The following NRBF2 variants were observed in gnomAD, a reference collection of about 807,000 sequenced individuals.
NRBF2 encodes nuclear receptor-binding factor 2.
In NRBF2, 12 loss-of-function variants were observed where a neutral mutation model predicts 28.5. The observed-to-expected ratio is 0.42, with a 90% CI of 0.27 to 0.68. The LOEUF (loss-of-function observed/expected upper bound fraction) is 0.68, where lower values mean the gene tolerates loss of function less well. Among genes scored for constraint, NRBF2 ranks in the 30% least tolerant of loss-of-function variants. The probability of loss-of-function intolerance (pLI) is 0.24; values close to 1 mark genes in which losing one functional copy is unlikely to be tolerated. For missense variants in NRBF2, 274 were observed against 333.5 expected (o/e 0.82, Z 1.39); for synonymous variants, 102 against 116.5 (o/e 0.88, Z 0.80).
At chr10:63,133,558 C>T in intron 1 of NRBF2, 58 bp downstream of exon 1, 1 of 1,333,190 alleles carries the variant, frequency 7.5e-7, no homozygotes, top group East Asian at 2.3e-5. Context: ...AGGAGCCCGG[C>T]CCCGTCCCCG....
At chr10:63,138,145 T>G (rs1338516346) in intron 1 of NRBF2, among the ~76,000 whole-genome samples, 1 of 151,780 alleles carries the variant, frequency 6.6e-6, no homozygotes, top group Non-Finnish European at 1.5e-5. Context: ...TGAAACCCTG[T>G]CTGTACTAAA....
chr10:63,144,791 G>C (rs1182586765), intron 1 of NRBF2, among the ~76,000 whole-genome samples: 1 of 152,120 alleles, frequency 6.6e-6, no homozygotes, highest in African/African-American at 2.4e-5. Flanking sequence ...TCTGTTGATG[G>C]ACATCTGGAT....
At chr10:63,144,128 G>A (rs1841521841) in intron 1 of NRBF2, among the ~76,000 whole-genome samples, 1 of 152,122 alleles carries the variant, frequency 6.6e-6, no homozygotes, top group South Asian at 2.1e-4. Context: ...TAAGTGTACA[G>A]TTTAGTAGTG....
At chr10:63,137,462 G>A (rs4746978) in intron 1 of NRBF2, among the ~76,000 whole-genome samples, 150,044 of 152,318 alleles carry the variant, frequency 0.99, 73,937 homozygotes, top group Middle Eastern at 1. Context: ...TTTATATGTG[G>A]CTGTTGCTCA....
intron 1 of NRBF2, among the ~76,000 whole-genome samples, chr10:63,134,387 T>C (rs1460544962): frequency 6.6e-6 from 1 of 152,176 alleles, no homozygotes; most frequent in Non-Finnish European, 1.5e-5. Flanking sequence ...AACTTTTGAG[T>C]CACAGGTTTG....
intron 2 of NRBF2, 32 bp from the exon 3 acceptor site, chr10:63,152,118 C>T (rs368425684): frequency 6.4e-7 from 1 of 1,554,546 alleles, no homozygotes; most frequent in East Asian, 2.2e-5. Context: ...AATGAAGACA[C>T]ATATTAACAT....
At chr10:63,151,609 T>C (rs188007679) in intron 2 of NRBF2, among the ~76,000 whole-genome samples, 1 of 152,340 alleles carries the variant, frequency 6.6e-6, no homozygotes, top group Admixed American at 6.5e-5. Context: ...GAGAAGTTTA[T>C]TGAAGGTCTT....
At chr10:63,150,609 T>C (rs1841633002) in intron 2 of NRBF2, among the ~76,000 whole-genome samples, 1 of 152,140 alleles carries the variant, frequency 6.6e-6, no homozygotes, top group Admixed American at 6.6e-5. Flanking sequence ...GGGACTGGTT[T>C]TGTGGAAGTC....
intron 3 of NRBF2, among the ~76,000 whole-genome samples, chr10:63,152,402 T>C (rs576231184): frequency 6.6e-6 from 1 of 152,354 alleles, no homozygotes; most frequent in East Asian, 1.9e-4. Flanking sequence ...CTTCTTTTTT[T>C]CTAGTGGTTA....
At chr10:63,135,232 C>T (rs1398683833) in intron 1 of NRBF2, among the ~76,000 whole-genome samples, 1 of 152,154 alleles carries the variant, frequency 6.6e-6, no homozygotes, top group African/African-American at 2.4e-5. Context: ...TTTAAGGCGA[C>T]ATATAGTTGG....
chr10:63,142,780 C>CTTTCTTTT (rs1554821458), intron 1 of NRBF2, among the ~76,000 whole-genome samples: 2 of 74,936 alleles, frequency 2.7e-5, no homozygotes, highest in African/African-American at 1.2e-4. Flanking sequence ...TTCTTTCTTT[C>CTTTCTTTT]TTTTTTTTTT....
chr10:63,147,804 A>G (rs1841588179), intron 2 of NRBF2, among the ~76,000 whole-genome samples: 1 of 127,036 alleles, frequency 7.9e-6, no homozygotes, highest in Non-Finnish European at 1.8e-5. Flanking sequence ...TTGCCACTCA[A>G]GTGTACTGGA....
At chr10:63,134,506 T>C (rs1379472287) in intron 1 of NRBF2, among the ~76,000 whole-genome samples, 1 of 152,198 alleles carries the variant, frequency 6.6e-6, no homozygotes, top group Non-Finnish European at 1.5e-5. Context: ...TTTAAGACTC[T>C]AGGTTTTGAA....
chr10:63,142,635 A>G (rs1341863889), intron 1 of NRBF2, among the ~76,000 whole-genome samples: 1 of 152,170 alleles, frequency 6.6e-6, no homozygotes, highest in Non-Finnish European at 1.5e-5. Flanking sequence ...CATCATGTAC[A>G]TTCTTTTCCC....
intron 1 of NRBF2, 27 bp downstream of exon 1, chr10:63,133,527 C>T (rs750737559): frequency 2.6e-6 from 4 of 1,555,064 alleles, no homozygotes; most frequent in African/African-American, 1.4e-5. Flanking sequence ...ATATAGCGTT[C>T]GTCTTGGGTG....
chr10:63,152,847 A>T (rs1252838021), intron 3 of NRBF2, among the ~76,000 whole-genome samples: 1 of 152,148 alleles, frequency 6.6e-6, no homozygotes, highest in Non-Finnish European at 1.5e-5. Context: ...AACTTAAAAA[A>T]TTAGCTGGGC....
chr10:63,141,615 A>G (rs1841469811), intron 1 of NRBF2, among the ~76,000 whole-genome samples: 1 of 152,196 alleles, frequency 6.6e-6, no homozygotes, highest in Non-Finnish European at 1.5e-5. Flanking sequence ...TGTTTCAACT[A>G]GTTTAATTTT....
At chr10:63,149,139 T>G (rs970996785) in intron 2 of NRBF2, among the ~76,000 whole-genome samples, 20 of 152,240 alleles carry the variant, frequency 1.3e-4, no homozygotes, top group African/African-American at 4.8e-4. Flanking sequence ...TGGTTTTTGT[T>G]TGAGACAGAG....
At position 63,154,093 on chromosome 10, in the gene NRBF2, G is replaced by C. The variant is rs371534608; in HGVS notation, c.739G>C (p.Ala247Pro). 9.2e-5 allele frequency: 149 copies of C among 1,613,860 alleles called. No individual in the cohort carries two copies. In the East Asian group the frequency reaches 2.7e-3, roughly 29 times the overall value. ...ATASSTWQKFAANTGKAKDIP... is the reference protein window; with the variant it reads ...ATASSTWQKFPANTGKAKDIP... ...AGCCTCCTCAACCTGGCAGAAGTTC[G>C]CAGCAAATACTGGGAAAGCCAAGGA... is the stretch of plus-strand genomic sequence containing the variant. The change falls in exon 4 of 4, where the codon GCA becomes CCA. Residue 247 changes from alanine to proline, a missense_variant. Ala to Pro is a conservative substitution (Grantham distance 27). Coordinates refer to ENST00000277746, the MANE Select transcript of NRBF2 (RefSeq NM_030759.5).
Sources: gnomAD v4.1 joint callset for allele counts (sites outside exome capture counted in the v4.1 genomes callset) on GRCh38, gnomAD v4.1.1 for gene constraint, MANE v1.5 for transcripts, NCBI Gene and HGNC (gene_info 2026-07-23, HGNC 2026-07-21) for gene names.